Variants in UGT1A8 observed in about 807,000 individuals in gnomAD.
UGT1A8 encodes UDP-glucuronosyltransferase 1A8.
Under a neutral mutation model 45.3 loss-of-function variants are expected in UGT1A8, and 39 were observed. That is an observed-to-expected ratio of 0.86 (90% CI 0.67 to 1.12). The LOEUF is 1.12. Ranked by LOEUF, UGT1A8 falls within the 50% of genes most tolerant of loss-of-function variation. The pLI is 0.00. For missense variants in UGT1A8, 719 were observed against 664.9 expected, an observed-to-expected ratio of 1.08 and a Z score of -0.90; for synonymous variants, 275 against 249.2, an observed-to-expected ratio of 1.10 and a Z score of -0.97.
At chr2:233,717,818 C>T (rs565320763) in intron 1 of UGT1A8, 84 of 455,640 alleles carry the variant, frequency 1.8e-4, no homozygotes, top group Non-Finnish European at 3.1e-4. Flanking sequence ...TTATGCAGCC[C>T]GTTCTGTTCT....
At chr2:233,640,938 A>C (rs572181643) in intron 1 of UGT1A8, among the ~76,000 whole-genome samples, 1 of 152,292 alleles carries the variant, frequency 6.6e-6, no homozygotes, top group African/African-American at 2.4e-5. Flanking sequence ...GATGAACTAT[A>C]AGTCTCCCTT....
Position 233,731,690 on chromosome 2 carries a change from G to C in UGT1A8, c.856-35344G>C, listed in dbSNP as rs183220610. ...TTCTTAATCCAGTCTATCATTGATG[G>C]ACATTTGGATTGGTTCCAGGTCTTT... On this transcript the variant is annotated intron_variant, in intron 1 of 4. Coordinates refer to ENST00000373450, the MANE Select transcript of UGT1A8 (RefSeq NM_019076.5). 7.2e-5 allele frequency among the ~76,000 whole-genome samples: 11 copies of C among 152,322 alleles called. No individual in the cohort carries two copies. The East Asian group carries it at 2.1e-3, about 29-fold the overall frequency.
chr2:233,659,963 A>G (rs946279023), intron 1 of UGT1A8, among the ~76,000 whole-genome samples: 1 of 152,128 alleles, frequency 6.6e-6, no homozygotes, highest in Non-Finnish European at 1.5e-5. Flanking sequence ...TTAATTCCTC[A>G]GGTGTGGTGT....
At chr2:233,640,336 C>A (rs747013851) in intron 1 of UGT1A8, among the ~76,000 whole-genome samples, 1 of 151,938 alleles carries the variant, frequency 6.6e-6, no homozygotes, top group Non-Finnish European at 1.5e-5. Context: ...AACTTTTTGG[C>A]TGTCATTTTT....
At chr2:233,629,171 G>A (rs759908624) in intron 1 of UGT1A8, among the ~76,000 whole-genome samples, 21 of 152,028 alleles carry the variant, frequency 1.4e-4, no homozygotes, top group African/African-American at 4.6e-4. Flanking sequence ...TTTATTCTAC[G>A]TATCTGACTA....
chr2:233,696,120 A>T (rs1261804081), intron 1 of UGT1A8, among the ~76,000 whole-genome samples: 1 of 152,186 alleles, frequency 6.6e-6, no homozygotes, highest in Non-Finnish European at 1.5e-5. Context: ...AAAGAACTAG[A>T]ACTGCCCCAA....
chr2:233,720,944 CAT>C (rs1354366294), intron 1 of UGT1A8, among the ~76,000 whole-genome samples: 52 of 150,934 alleles, frequency 3.4e-4, no homozygotes, highest in African/African-American at 1.1e-3. Flanking sequence ...CTCCTGACCT[CAT>C]GTGATCTGCC....
intron 1 of UGT1A8, among the ~76,000 whole-genome samples, chr2:233,750,991 C>T (rs545732182): frequency 4.6e-5 from 7 of 151,894 alleles, no homozygotes; most frequent in South Asian, 2.1e-4. Flanking sequence ...AGAAGGCGGC[C>T]ACCATCCTCC....
intron 1 of UGT1A8, among the ~76,000 whole-genome samples, chr2:233,687,369 G>A (rs1416156591): frequency 6.6e-6 from 1 of 152,032 alleles, no homozygotes; most frequent in African/African-American, 2.4e-5. Context: ...TGTCTCCTTA[G>A]GGAGAATTTG....
intron 1 of UGT1A8, chr2:233,741,005 T>G (rs1691537974): frequency 6.6e-6 from 1 of 151,828 alleles, no homozygotes; most frequent in African/African-American, 2.4e-5. Context: ...AAGGATCACT[T>G]GAGCCCAGGA....
chr2:233,692,696 C>G lies in UGT1A8; in HGVS notation c.855+74134C>G, dbSNP rs28898576. ...ATTGGCAGGGGGTCCTCAGGGGTCT[C>G]TCCAAGTCATCTTCAAAGTGTTGCT... On this transcript the variant is annotated intron_variant, in intron 1 of 4. Coordinates refer to ENST00000373450, the MANE Select transcript of UGT1A8 (RefSeq NM_019076.5). The G allele has an allele frequency of 5.4e-3, 2,104 of 392,412 alleles. 43 individuals are homozygous for G. The highest frequency in any genetic ancestry group is 0.043 in the African/African-American group (1,970 of 45,804). The allele number at this position is 392,412 out of a possible 1,614,324, so 24.3% of individuals were successfully genotyped here. A position where few individuals can be genotyped will look rare whatever the true frequency, so the allele number is the denominator to read the frequency against.
At chr2:233,623,481 G>A (rs762884493) in intron 1 of UGT1A8, among the ~76,000 whole-genome samples, 23 of 152,032 alleles carry the variant, frequency 1.5e-4, no homozygotes, top group Non-Finnish European at 2.9e-4. Context: ...TATTCTCTTT[G>A]TAGTAATTGT....
At chr2:233,766,075 T>C (rs1699041647) in intron 1 of UGT1A8, among the ~76,000 whole-genome samples, 1 of 152,186 alleles carries the variant, frequency 6.6e-6, no homozygotes, top group Non-Finnish European at 1.5e-5. Context: ...CCCTCTACCT[T>C]GTCGCAAGGA....
intron 1 of UGT1A8, among the ~76,000 whole-genome samples, chr2:233,668,883 T>C (rs1204944449): frequency 6.6e-6 from 1 of 152,240 alleles, no homozygotes; most frequent in East Asian, 1.9e-4. Flanking sequence ...TCATCTCCTC[T>C]AGCCTGTGAC....
intron 1 of UGT1A8, among the ~76,000 whole-genome samples, chr2:233,764,478 C>G (rs370150887): frequency 6.6e-6 from 1 of 152,082 alleles, no homozygotes; most frequent in Non-Finnish European, 1.5e-5. Context: ...TATTTAACTT[C>G]GAATGTTTAT....
intron 1 of UGT1A8, among the ~76,000 whole-genome samples, chr2:233,749,524 A>C (rs1694211122): frequency 6.6e-6 from 1 of 151,812 alleles, no homozygotes; most frequent in Non-Finnish European, 1.5e-5. Flanking sequence ...AGCAAGGCTA[A>C]TTTTCGAGTG....
intron 1 of UGT1A8, among the ~76,000 whole-genome samples, chr2:233,738,514 T>A (rs1690809776): frequency 6.6e-6 from 1 of 152,156 alleles, no homozygotes; most frequent in Admixed American, 6.5e-5. Context: ...ATGCTGATAA[T>A]GTTGTGGACA....
chr2:233,721,002 A>G (rs1257155820), intron 1 of UGT1A8, among the ~76,000 whole-genome samples: 2 of 152,002 alleles, frequency 1.3e-5, no homozygotes, highest in African/African-American at 2.4e-5. Context: ...AGAGCCACCA[A>G]GCCCAGTGAG....
intron 1 of UGT1A8, among the ~76,000 whole-genome samples, chr2:233,757,801 A>G (rs2125960079): frequency 6.6e-6 from 1 of 151,714 alleles, no homozygotes; most frequent in Non-Finnish European, 1.5e-5. Flanking sequence ...ATGAAAGGAG[A>G]TGAAAGGAGC....
Sources: allele counts gnomAD v4.1 joint callset (sites outside exome capture counted in the v4.1 genomes callset), GRCh38; gene constraint gnomAD v4.1.1; transcripts MANE v1.5; gene names NCBI Gene and HGNC (gene_info 2026-07-23, HGNC 2026-07-21).